The following RBFOX1 variants were observed in gnomAD, a reference collection of about 807,000 sequenced individuals.
RBFOX1 encodes RNA binding fox-1 homolog 1, also known as RNA binding protein fox-1 homolog 1.
A neutral mutation model predicts 57.7 loss-of-function variants in RBFOX1; 8 were observed. The ratio of observed to expected loss-of-function variants is 0.14; its 90% CI spans 0.08 to 0.25. The LOEUF is 0.25. Ranked by LOEUF, RBFOX1 falls within the 10% of genes least tolerant of loss-of-function variation. The pLI is 1.00. For synonymous variants in RBFOX1, 326 were observed against 222.4 expected, an observed-to-expected ratio of 1.47 and a Z score of -4.15; for missense variants, 611 against 548.5, an observed-to-expected ratio of 1.11 and a Z score of -1.14.
chr16:6,867,371 A>G (rs1427802893), intron 3 of RBFOX1, among the ~76,000 whole-genome samples: 1 of 151,878 alleles, frequency 6.6e-6, no homozygotes, highest in East Asian at 1.9e-4. Flanking sequence ...GATTCTTTTT[A>G]ATGACCTTTA....
At chr16:7,070,847 C>T (rs1598671546) in intron 4 of RBFOX1, among the ~76,000 whole-genome samples, 1 of 152,238 alleles carries the variant, frequency 6.6e-6, no homozygotes, top group East Asian at 1.9e-4. Flanking sequence ...GCACAGACAC[C>T]AAATTGACCA....
chr16:6,260,310 C>T (rs2044490967), intron 1 of RBFOX1, among the ~76,000 whole-genome samples: 2 of 152,148 alleles, frequency 1.3e-5, no homozygotes, highest in Non-Finnish European at 2.9e-5. Flanking sequence ...TTACTTTCTA[C>T]CTGCCTGTCT....
intron 4 of RBFOX1, among the ~76,000 whole-genome samples, chr16:7,303,392 C>A (rs182068331): frequency 4.7e-4 from 71 of 152,158 alleles, no homozygotes; most frequent in Non-Finnish European, 5.9e-5. Context: ...GTTTATTTGG[C>A]AAGGAATCCG....
rs180746360 is a variant in RBFOX1, at chr16:7,108,815, C to T, written c.27+56717C>T. Among the ~76,000 whole-genome samples the T allele has an allele frequency of 2.0e-3, 303 of 152,216 alleles. 1 individual carries two copies. Among genetic ancestry groups the T allele is most frequent in the Middle Eastern group, 3.4e-3 (1 of 294 alleles). On this transcript the variant is annotated intron_variant, in intron 4 of 15. Coordinates refer to ENST00000550418, the MANE Select transcript of RBFOX1 (RefSeq NM_018723.4). ...GGCTCATGAAGGCTTGTTTGTTGTA[C>T]CTAAATCCCCGTCAAGGATGGACTA...
intron 2 of RBFOX1, among the ~76,000 whole-genome samples, chr16:6,584,280 G>A (rs2097575513): frequency 6.6e-6 from 1 of 151,100 alleles, no homozygotes; most frequent in Non-Finnish European, 1.5e-5. Context: ...TCACTATTTG[G>A]AGCTCAGTGA....
intron 1 of RBFOX1, among the ~76,000 whole-genome samples, chr16:6,210,361 C>CAAAAAAAAAAAAAAAA (rs3064933): frequency 6.5e-5 from 4 of 61,444 alleles, no homozygotes; most frequent in Non-Finnish European, 1.4e-4. Context: ...AAAAAAACAC[C>CAAAAAAAAAAAAAAAA]AAAAAAAAAA....
At chr16:6,003,533 G>C (rs1402468050) in intron 4 of RBFOX1, among the ~76,000 whole-genome samples, 1 of 151,020 alleles carries the variant, frequency 6.6e-6, no homozygotes, top group African/African-American at 2.4e-5. Flanking sequence ...ATTGACAGGA[G>C]TCTAGGGTCA....
At chr16:7,133,071 CTTA>C (rs879272497) in intron 4 of RBFOX1, among the ~76,000 whole-genome samples, 50 of 152,162 alleles carry the variant, frequency 3.3e-4, no homozygotes, top group Admixed American at 2.6e-3. Context: ...CAGAAGTGAC[CTTA>C]TTATGGCAAA....
Position 6,097,673 on chromosome 16 carries a change from G to C in RBFOX1, c.-127+77681G>C, listed in dbSNP as rs141254164. ...AAGTGCTTAATAAGTGTCTAAGCTA[G>C]GATTTGACCCTAGGGCTTGTGAATC... is the stretch of plus-strand genomic sequence containing the variant. On this transcript the variant is annotated intron_variant, in intron 1 of 15. Coordinates refer to ENST00000550418, the MANE Select transcript of RBFOX1 (RefSeq NM_018723.4). The surrounding 1 kb of genome is among the most constrained non-coding windows in gnomAD (Gnocchi z 5.0). Among the ~76,000 whole-genome samples the C allele has an allele frequency of 6.6e-6, 1 of 152,194 alleles. No homozygotes were observed. Among genetic ancestry groups the C allele is most frequent in the Non-Finnish European group, 1.5e-5 (1 of 68,030 alleles).
intron 3 of RBFOX1, among the ~76,000 whole-genome samples, chr16:5,609,353 T>C (rs1024104107): frequency 2.0e-5 from 3 of 152,196 alleles, no homozygotes; most frequent in Non-Finnish European, 4.4e-5. Context: ...CATCCAGCCA[T>C]CTTACATTCT....
chr16:7,535,929 C>G (rs185742137), intron 5 of RBFOX1, among the ~76,000 whole-genome samples: 2 of 152,146 alleles, frequency 1.3e-5, no homozygotes, highest in African/African-American at 4.8e-5. Context: ...TGGGTTCTTA[C>G]TATTTGAGAG....
At chr16:7,353,300 A>C (rs2097159930) in intron 4 of RBFOX1, among the ~76,000 whole-genome samples, 2 of 152,222 alleles carry the variant, frequency 1.3e-5, no homozygotes, top group Admixed American at 1.3e-4. Context: ...ATAATAAAAA[A>C]GATAGACAGC....
chr16:6,450,587 T>C (rs1449301254), intron 2 of RBFOX1, among the ~76,000 whole-genome samples: 1 of 150,458 alleles, frequency 6.6e-6, no homozygotes, highest in Non-Finnish European at 1.5e-5. Flanking sequence ...ATTCCTGGCT[T>C]CAGTATGTTT....
In RBFOX1 at chr16:5,445,690, A is replaced by G. The variant is rs190018462; in HGVS notation, c.220-21526A>G. Among the ~76,000 whole-genome samples the G allele has an allele frequency of 9.8e-3, 1,500 of 152,298 alleles. 10 individuals are homozygous for G. The highest frequency in any genetic ancestry group is 0.017 in the Non-Finnish European group (1,186 of 68,024). ...ACTCTGGTGGGGCTGCCTGGAACTT[A>G]GCAGCCTGTTACTCAGTGTTCACAT... On this transcript the variant is annotated intron_variant, in intron 1 of 2. Coordinates refer to the RBFOX1 transcript ENST00000585867.
intron 14 of RBFOX1, among the ~76,000 whole-genome samples, chr16:7,691,968 G>GTA (rs2077450071): frequency 6.6e-6 from 1 of 152,164 alleles, no homozygotes; most frequent in African/African-American, 2.4e-5. Flanking sequence ...TATCATACCT[G>GTA]TAGTTAGGAA....
At chr16:6,735,222 C>T (rs2154177502) in intron 3 of RBFOX1, among the ~76,000 whole-genome samples, 1 of 152,110 alleles carries the variant, frequency 6.6e-6, no homozygotes, top group East Asian at 1.9e-4. Flanking sequence ...TTGCTAGATG[C>T]ACATGATTTA....
At chr16:6,336,994 C>T (rs181514886) in intron 2 of RBFOX1, among the ~76,000 whole-genome samples, 1 of 152,100 alleles carries the variant, frequency 6.6e-6, no homozygotes, top group Non-Finnish European at 1.5e-5. Flanking sequence ...ACATTGCAAC[C>T]CTTATTCTAA....
intron 1 of RBFOX1, among the ~76,000 whole-genome samples, chr16:5,294,154 G>C (rs2063603980): frequency 6.6e-6 from 1 of 152,120 alleles, no homozygotes; most frequent in South Asian, 2.1e-4. Context: ...GGTTGAACCT[G>C]GGAGGCAGAG....
At chr16:7,627,112 C>A (rs558355162) in intron 10 of RBFOX1, among the ~76,000 whole-genome samples, 1 of 146,114 alleles carries the variant, frequency 6.8e-6, no homozygotes, top group Admixed American at 6.9e-5. Context: ...ACAGGGGAAG[C>A]CCCTCCGCCT....
Sources: allele counts gnomAD v4.1 joint callset (sites outside exome capture counted in the v4.1 genomes callset), GRCh38; gene constraint gnomAD v4.1.1; non-coding constraint Gnocchi (gnomAD v3.1); transcripts MANE v1.5; gene names NCBI Gene and HGNC (gene_info 2026-07-23, HGNC 2026-07-21).